The following FLCN variants were observed in gnomAD, a reference collection of about 807,000 sequenced individuals.
The protein encoded by FLCN is folliculin, also known as BHD skin lesion fibrofolliculoma protein.
In FLCN, 22 loss-of-function variants were observed where a neutral mutation model predicts 62.5. The ratio of observed to expected loss-of-function variants is 0.35; its 90% CI spans 0.25 to 0.50. The LOEUF is 0.50. FLCN is among the 20% of genes least tolerant of loss of function. The probability of loss-of-function intolerance (pLI) is 0.97; values close to 1 mark genes in which losing one functional copy is unlikely to be tolerated. For synonymous variants in FLCN, 319 were observed against 310.0 expected (o/e 1.03, Z -0.30); for missense variants, 657 against 778.0 (o/e 0.84, Z 1.85).
intron 10 of FLCN, 24 bp downstream of exon 10, chr17:17,217,045 C>G: frequency 6.4e-7 from 1 of 1,551,296 alleles, no homozygotes; most frequent in Non-Finnish European, 8.9e-7. Flanking sequence ...CTGCGCCGCA[C>G]ACCTAAGGAA....
Position 17,219,051 on chromosome 17 carries a change from G to A in FLCN, c.1030C>T (p.Pro344Ser), listed in dbSNP as rs1597591391. 1.2e-6 allele frequency: 2 copies of A among 1,613,810 alleles called. No homozygotes were observed. Among genetic ancestry groups the A allele is most frequent in the Non-Finnish European group, 1.7e-6 (2 of 1,179,906 alleles). Residue 344 changes from proline (P) to serine (S), a missense_variant, in exon 9 of 14, where the codon CCA becomes TCA. Coordinates refer to ENST00000285071, the MANE Select transcript of FLCN (RefSeq NM_144997.7). ...ATGTGCCGGAGGGACTTGAAGACTG[G>A]CAGCTTCCGGGGCTGCCAGCTCCCA... The part of the protein sequence containing the change: ...GCGSWQPRKL[P>S]VFKSLRHMRQ...
intron 13 of FLCN, 25 bp downstream of exon 13, chr17:17,214,960 G>C: frequency 1.9e-6 from 3 of 1,609,454 alleles, no homozygotes; most frequent in Non-Finnish European, 2.5e-6. Context: ...GCAAGCAAAG[G>C]GGCCTCACCC....
At position 17,221,616 on chromosome 17, in the gene FLCN, C is replaced by T. The variant is rs140500421; in HGVS notation, c.792G>A (p.Ala264=). ...LHTSFAWLLK[A]CGSRLTEKLL... ...GCTTCTCGGTCAGCCGGCTGCCACA[C>T]GCCTTCAGGAGCCTGGAGAACACAG... The change falls in exon 8 of 14, where the codon GCG becomes GCA. Residue 264 remains alanine, a synonymous_variant. Transcript: ENST00000285071. The T allele has an allele frequency of 2.1e-5, 33 of 1,608,422 alleles. No individual in the cohort carries two copies. In the Admixed American group the frequency reaches 3.2e-4, roughly 15 times the overall value.
At chr17:17,222,803 G>C in intron 6 of FLCN, 142 bp from the exon 7 acceptor site, 2 of 929,398 alleles carry the variant, frequency 2.2e-6, no homozygotes, top group Non-Finnish European at 3.4e-6. Context: ...CACACAAAGT[G>C]CCACCAGTCC....
At chr17:17,225,344 T>G (rs948138442) in intron 5 of FLCN, 1 of 152,944 alleles carries the variant, frequency 6.5e-6, no homozygotes, top group African/African-American at 2.4e-5. Context: ...CCTAGTGCTT[T>G]GGGAGGATGA....
intron 5 of FLCN, chr17:17,225,416 A>G (rs1359917046): frequency 1.3e-5 from 2 of 153,694 alleles, no homozygotes; most frequent in East Asian, 3.8e-4. Flanking sequence ...CATCTCTACA[A>G]AAAAATTTTA....
At chr17:17,222,180 TAAAAA>T (rs1430139596) in intron 7 of FLCN, among the ~76,000 whole-genome samples, 1 of 151,420 alleles carries the variant, frequency 6.6e-6, no homozygotes, top group Admixed American at 6.6e-5. Flanking sequence ...CTACCAAAAA[TAAAAA>T]AATTAGCTGG....
chr17:17,233,363 C>T (rs999803829), intron 1 of FLCN, among the ~76,000 whole-genome samples: 10 of 151,848 alleles, frequency 6.6e-5, no homozygotes, highest in Admixed American at 3.3e-4. Flanking sequence ...TTTGGGAGGC[C>T]GAGGTGGGCA....
At chr17:17,231,250 C>T (rs528880827) in intron 3 of FLCN, among the ~76,000 whole-genome samples, 1 of 152,272 alleles carries the variant, frequency 6.6e-6, no homozygotes, top group African/African-American at 2.4e-5. Flanking sequence ...AAAAGCTCAG[C>T]CCTTCTGTCT....
rs1847059102 is a variant in FLCN at position 17,222,449 on chromosome 17, A to G, written c.779+52T>C. ...AATCCATGGACAAGCCAACCAATGT[A>G]TCGTGACTGCTCTATCCTAACAGAT... is the stretch of plus-strand genomic sequence containing the variant. On this transcript the variant is annotated intron_variant, in intron 7 of 13. Coordinates refer to ENST00000285071, the MANE Select transcript of FLCN (RefSeq NM_144997.7). The G allele has an allele frequency of 1.9e-6, 3 of 1,612,626 alleles. No individual in the cohort carries two copies. In the African/African-American group the frequency reaches 4.0e-5, roughly 22 times the overall value.
intron 1 of FLCN, among the ~76,000 whole-genome samples, chr17:17,234,208 T>TG: frequency 6.9e-6 from 1 of 145,288 alleles, no homozygotes; most frequent in Non-Finnish European, 1.5e-5. Flanking sequence ...GTTTTGTTTT[T>TG]TTTTGGTTTG....
intron 1 of FLCN, among the ~76,000 whole-genome samples, chr17:17,236,541 T>C (rs1252311186): frequency 6.6e-6 from 1 of 152,084 alleles, no homozygotes; most frequent in African/African-American, 2.4e-5. Context: ...GACAGTACTC[T>C]CAACTGGAGA....
chr17:17,233,263 G>C (rs919991860), intron 1 of FLCN, among the ~76,000 whole-genome samples: 9 of 151,942 alleles, frequency 5.9e-5, no homozygotes, highest in Non-Finnish European at 1.3e-4. Flanking sequence ...GACCAGCCTG[G>C]GTAACACAGT....
chr17:17,220,431 G>T (rs1236715615), intron 8 of FLCN: 1 of 152,240 alleles, frequency 6.6e-6, no homozygotes. Context: ...CACAGATGAA[G>T]AAATTAGTAT....
chr17:17,225,342 T>C (rs1157011494), intron 5 of FLCN: 2 of 153,002 alleles, frequency 1.3e-5, no homozygotes, highest in African/African-American at 4.8e-5. Flanking sequence ...ATCCTAGTGC[T>C]TTGGGAGGAT....
chr17:17,221,520 C>T lies in FLCN; in HGVS notation c.871+17G>A, dbSNP rs2047087650. ...GCCATCCGGGCCAAGGCCCCGGCAA[C>T]AGCACCCCTGCCTCACCAGCGAGCT... On this transcript the variant is annotated intron_variant, in intron 8 of 13. Coordinates refer to ENST00000285071, the MANE Select transcript of FLCN (RefSeq NM_144997.7). 6 of 1,613,770 alleles carry T rather than the reference C, an allele frequency of 3.7e-6. No individual in the cohort carries two copies. Among genetic ancestry groups the T allele is most frequent in the South Asian group, 2.2e-5 (2 of 91,086 alleles).
Position 17,232,611 on chromosome 17 carries a change from G to C in FLCN, c.-114+177C>G, listed in dbSNP as rs185413481. On this transcript the variant is annotated intron_variant, in intron 2 of 13. Transcript: ENST00000285071. ...ACAGGAGATGGGGCGACCACTGATGGAGTAAGGGGTAGCAGGACCCAAAGG... is the reference window on the plus strand; with the variant it reads ...ACAGGAGATGGGGCGACCACTGATGCAGTAAGGGGTAGCAGGACCCAAAGG... 6.0e-4 allele frequency among the ~76,000 whole-genome samples: 92 copies of C among 152,298 alleles called. No individual in the cohort carries two copies. The East Asian group carries it at 0.016, about 26-fold the overall frequency.
chr17:17,221,134 GGGAACCACTGCCCTTCAT>G, intron 8 of FLCN: 1 of 1,397,864 alleles, frequency 7.2e-7, no homozygotes, highest in Non-Finnish European at 9.3e-7. Flanking sequence ...TGGGAGGTCA[GGGAACCACTGCCCTTCAT>G]GGAAAACTTG....
intron 1 of FLCN, among the ~76,000 whole-genome samples, chr17:17,233,164 G>A (rs977917762): frequency 1.8e-4 from 27 of 152,172 alleles, no homozygotes; most frequent in African/African-American, 6.5e-4. Context: ...TTAGAGATAG[G>A]GTCTTGAGGC....
Sources: gnomAD v4.1 joint callset for allele counts (sites outside exome capture counted in the v4.1 genomes callset) on GRCh38, gnomAD v4.1.1 for gene constraint, MANE v1.5 for transcripts, NCBI Gene and HGNC (gene_info 2026-07-23, HGNC 2026-07-21) for gene names.